Variants in VTA1 observed in about 807,000 individuals in gnomAD.
VTA1 encodes the protein vacuolar protein sorting-associated protein VTA1 homolog.
VTA1 carries 24 observed loss-of-function variants against 36.9 expected under a neutral mutation model. The observed-to-expected ratio is 0.65, with a 90% CI of 0.47 to 0.91. VTA1 has a LOEUF of 0.91. Ranked by LOEUF, VTA1 falls within the 40% of genes least tolerant of loss-of-function variation. The pLI is 0.00. For synonymous variants in VTA1, 142 were observed against 130.2 expected (o/e 1.09, Z -0.62); for missense variants, 393 against 377.2 (o/e 1.04, Z -0.35).
chr6:142,149,078 A>C (rs1343994433), intron 1 of VTA1, among the ~76,000 whole-genome samples: 1 of 152,174 alleles, frequency 6.6e-6, no homozygotes, highest in Non-Finnish European at 1.5e-5. Context: ...AGTTTCCTTT[A>C]TTTAAAAATA....
At chr6:142,155,745 C>A (rs1778650780) in intron 1 of VTA1, among the ~76,000 whole-genome samples, 1 of 152,180 alleles carries the variant, frequency 6.6e-6, no homozygotes, top group Non-Finnish European at 1.5e-5. Context: ...CCACCACACT[C>A]ACTAGATTTT....
intron 1 of VTA1, among the ~76,000 whole-genome samples, chr6:142,165,030 C>A (rs1027574324): frequency 5.3e-5 from 8 of 152,138 alleles, no homozygotes; most frequent in African/African-American, 1.9e-4. Flanking sequence ...AGAATTGTTA[C>A]AAGTCAATTT....
chr6:142,203,883 A>T lies in VTA1; in HGVS notation c.698-102A>T, dbSNP rs890816975. On this transcript the variant is annotated intron_variant, in intron 6 of 7. Coordinates refer to ENST00000367630, the MANE Select transcript of VTA1 (RefSeq NM_016485.5). ...GAATCCATTGATGTTTCTAGAAAAT[A>T]AGCAAAGTAATGAAATTGCCTCATG... The T allele has an allele frequency of 1.7e-5, 15 of 895,108 alleles. No individual in the cohort carries two copies. In the Admixed American group the frequency reaches 3.1e-4, roughly 18 times the overall value. The allele number at this position is 895,108 out of a possible 1,614,324, so 55.4% of individuals were successfully genotyped here. A position where few individuals can be genotyped will look rare whatever the true frequency, so the allele number is the denominator to read the frequency against.
At chr6:142,195,787 A>T (rs2114670933) in intron 5 of VTA1, among the ~76,000 whole-genome samples, 2 of 151,916 alleles carry the variant, frequency 1.3e-5, no homozygotes, top group African/African-American at 4.8e-5. Flanking sequence ...TTCTTCTTTG[A>T]GTAATGGATT....
chr6:142,188,783 A>AT (rs1775396643), intron 4 of VTA1, among the ~76,000 whole-genome samples: 1 of 152,318 alleles, frequency 6.6e-6, no homozygotes, highest in South Asian at 2.1e-4. Flanking sequence ...ATCCTGTAAC[A>AT]TTAGCATATC....
intron 7 of VTA1, among the ~76,000 whole-genome samples, chr6:142,209,864 C>G (rs1401467549): frequency 1.3e-5 from 2 of 152,008 alleles, no homozygotes; most frequent in Non-Finnish European, 2.9e-5. Flanking sequence ...CAATCCCTAT[C>G]AAAATGCCAA....
In VTA1 at chr6:142,189,552, C is replaced by T. The variant is rs1775412024; in HGVS notation, c.520+18C>T. The T allele has an allele frequency of 3.8e-6, 5 of 1,301,626 alleles. No individual in the cohort carries two copies. The East Asian group carries it at 1.1e-4, about 30-fold the overall frequency. The allele number at this position is 1,301,626 out of a possible 1,614,324, so 80.6% of individuals were successfully genotyped here. ...AGATAATGGTATGTATTTATTTATT[C>T]TGAGTAAAAGGACTTAGTAGAATCA... On this transcript the variant is annotated intron_variant, in intron 5 of 7. Transcript: ENST00000367630.
At chr6:142,167,895 A>G (rs1465084722) in intron 2 of VTA1, among the ~76,000 whole-genome samples, 1 of 152,218 alleles carries the variant, frequency 6.6e-6, no homozygotes, top group African/African-American at 2.4e-5. Flanking sequence ...CAACTCTAGC[A>G]TTTTGTATAG....
chr6:142,187,758 AGG>A (rs1426936584), intron 4 of VTA1, among the ~76,000 whole-genome samples: 1 of 152,136 alleles, frequency 6.6e-6, no homozygotes, highest in African/African-American at 2.4e-5. Flanking sequence ...TTAGTAATTT[AGG>A]GGTTAATTTT....
At position 142,221,126 on chromosome 6, in the gene VTA1, G is replaced by A. The variant is rs907113439; in HGVS notation, c.*2483G>A. Reference sequence around the variant, plus strand: ...CAGAAATATTGCAAGTCTGAGAAAAGAGATTCTCCTCAAACCGGTTCTCAA... The same window carrying A: ...CAGAAATATTGCAAGTCTGAGAAAAAAGATTCTCCTCAAACCGGTTCTCAA... On this transcript the variant is annotated 3_prime_UTR_variant, in exon 8 of 8. Coordinates refer to ENST00000367630, the MANE Select transcript of VTA1 (RefSeq NM_016485.5). 1 of 152,122 alleles carries A rather than the reference G, an allele frequency of 6.6e-6. No homozygotes were observed. The highest frequency in any genetic ancestry group is 2.4e-5 in the African/African-American group (1 of 41,420). 9.4% of individuals were successfully genotyped at this position (152,122 alleles called of 1,614,324 possible).
intron 2 of VTA1, among the ~76,000 whole-genome samples, chr6:142,167,045 A>ATTT (rs1774930329): frequency 6.6e-6 from 1 of 152,176 alleles, no homozygotes; most frequent in South Asian, 2.1e-4. Flanking sequence ...CAATGAAGGA[A>ATTT]ATGATGCCAA....
intron 7 of VTA1, among the ~76,000 whole-genome samples, chr6:142,207,489 T>C (rs890063101): frequency 1.4e-4 from 21 of 152,020 alleles, no homozygotes; most frequent in Admixed American, 1.3e-3. Flanking sequence ...CCAGGTCCTG[T>C]AGGCACAAAC....
At chr6:142,195,669 T>G (rs1775532158) in intron 5 of VTA1, among the ~76,000 whole-genome samples, 1 of 150,284 alleles carries the variant, frequency 6.7e-6, no homozygotes, top group Non-Finnish European at 1.5e-5. Context: ...TCTTTTCTGA[T>G]AGAATAATTT....
At chr6:142,157,177 A>G (rs1306408441) in intron 1 of VTA1, among the ~76,000 whole-genome samples, 2 of 152,230 alleles carry the variant, frequency 1.3e-5, no homozygotes, top group Non-Finnish European at 2.9e-5. Context: ...AAATGATAAT[A>G]ATAATAACTT....
At chr6:142,159,849 C>T (rs990767335) in intron 1 of VTA1, among the ~76,000 whole-genome samples, 4 of 151,918 alleles carry the variant, frequency 2.6e-5, no homozygotes, top group South Asian at 4.2e-4. Flanking sequence ...CATTTGGATT[C>T]GTTTGTGTAT....
In VTA1 at chr6:142,189,419, CT is replaced by C; in HGVS notation, c.412-3del. On this transcript the variant is annotated splice_region_variant and splice_polypyrimidine_tract_variant and intron_variant, in intron 4 of 7. Transcript: ENST00000367630. ...TCCAATGTTGATATAAAAATGCTCTCTTTTAGAATGTGAAACACAGGAAGTA... is the reference window on the plus strand; with the variant it reads ...TCCAATGTTGATATAAAAATGCTCTCTTTAGAATGTGAAACACAGGAAGTA... The C allele has an allele frequency of 8.1e-6, 13 of 1,609,536 alleles. No homozygotes were observed. The highest frequency in any genetic ancestry group is 1.1e-5 in the South Asian group (1 of 90,758).
chr6:142,186,280 A>G (rs1775338066), intron 4 of VTA1, among the ~76,000 whole-genome samples: 1 of 152,198 alleles, frequency 6.6e-6, no homozygotes, highest in Non-Finnish European at 1.5e-5. Flanking sequence ...GGATAGGGAC[A>G]TTGAGAAGAG....
At chr6:142,204,215 T>G in intron 7 of VTA1, 150 bp downstream of exon 7, 2 of 689,948 alleles carry the variant, frequency 2.9e-6, no homozygotes, top group Non-Finnish European at 2.4e-6. Context: ...TGAATGCTTA[T>G]GTTCACTAGA....
chr6:142,198,104 AAT>A (rs1208220113), intron 5 of VTA1, among the ~76,000 whole-genome samples: 591 of 51,822 alleles, frequency 0.011, 5 homozygotes, highest in Middle Eastern at 0.035. Flanking sequence ...CTCAAAAAAA[AAT>A]ATATATATAT....
Sources: allele counts gnomAD v4.1 joint callset (sites outside exome capture counted in the v4.1 genomes callset), GRCh38; gene constraint gnomAD v4.1.1; transcripts MANE v1.5; gene names NCBI Gene and HGNC (gene_info 2026-07-23, HGNC 2026-07-21).